NAT16: variants seen among roughly 807,000 people sequenced by gnomAD.
The protein encoded by NAT16 is probable N-acetyltransferase 16.
In NAT16, 16 loss-of-function variants were observed where a neutral mutation model predicts 15.9. The ratio of observed to expected loss-of-function variants is 1.01; its 90% CI spans 0.68 to 1.53. The LOEUF (loss-of-function observed/expected upper bound fraction) is 1.53, where lower values mean the gene tolerates loss of function less well. Ranked by LOEUF, NAT16 falls within the 40% of genes most tolerant of loss-of-function variation. The pLI is 0.00. For synonymous variants in NAT16, 260 were observed against 241.9 expected (o/e 1.07, Z -0.69); for missense variants, 572 against 508.4 (o/e 1.13, Z -1.20).
Position 101,172,710 on chromosome 7 carries a change from C to A in NAT16, c.538-59G>T, listed in dbSNP as rs1329376057. On this transcript the variant is annotated intron_variant, in intron 3 of 3. Transcript: ENST00000300303. This position sits in a 1 kb window ranked among gnomAD's most constrained non-coding sequence, Gnocchi z 4.2. ...GGCGCAGCAGGGCTGGCGAGCCCGG[C>A]GCCTCTCGGCAGGCATCTTCACTCC... The A allele has an allele frequency of 3.7e-6, 5 of 1,334,088 alleles. No homozygotes were observed. In the East Asian group the frequency reaches 1.1e-4, roughly 31 times the overall value. 82.6% of individuals were successfully genotyped at this position (1,334,088 alleles called of 1,614,324 possible).
rs1216454068 is a variant in NAT16, at chr7:101,172,857, G to A, written c.538-206C>T. Among the ~76,000 whole-genome samples the A allele has an allele frequency of 6.6e-6, 1 of 152,156 alleles. No homozygotes were observed. Among genetic ancestry groups the A allele is most frequent in the Non-Finnish European group, 1.5e-5 (1 of 68,018 alleles). ...GGTACCAGACAGGGACCAGGGGCAC[G>A]GGCTCCCAGTACGTGGATCCCCAAG... On this transcript the variant is annotated intron_variant, in intron 3 of 3. Coordinates refer to ENST00000300303, the MANE Select transcript of NAT16 (RefSeq NM_198571.3). This position sits in a 1 kb window ranked among gnomAD's most constrained non-coding sequence, Gnocchi z 4.2.
chr7:101,172,322 T>G lies in NAT16; in HGVS notation c.867A>C (p.Gly289=). ...TGAGATAGCGCCAAGTGCCGTCCCC[T>G]CCGTGCGGGATGGGGAAGGGGCGCG... ...LCTRPFPIPH[G]GDGTWRYLNI... Residue 289 remains glycine, a synonymous_variant, in exon 4 of 4, where the codon GGA becomes GGC. Coordinates refer to ENST00000300303, the MANE Select transcript of NAT16 (RefSeq NM_198571.3). The surrounding 1 kb of genome is among the most constrained non-coding windows in gnomAD (Gnocchi z 4.2). The G allele has an allele frequency of 6.2e-7, 1 of 1,606,850 alleles. No individual in the cohort carries two copies. The highest frequency in any genetic ancestry group is 8.5e-7 in the Non-Finnish European group (1 of 1,177,604).
Position 101,179,881 on chromosome 7 carries a change from C to G in NAT16, c.-5+161G>C, listed in dbSNP as rs571471955. Among the ~76,000 whole-genome samples the G allele has an allele frequency of 2.6e-5, 4 of 152,148 alleles. No homozygotes were observed. The South Asian group carries it at 8.3e-4, about 32-fold the overall frequency. ...CGCTTCTGGACACCTGAAGCGCAGC[C>G]TCTGACTCAGTTTTCTGGGTCTTCG... On this transcript the variant is annotated intron_variant, in intron 1 of 3. Coordinates refer to ENST00000300303, the MANE Select transcript of NAT16 (RefSeq NM_198571.3).
chr7:101,173,702 C>A, intron 2 of NAT16, 182 bp from the exon 3 acceptor site: 1 of 552,090 alleles, frequency 1.8e-6, no homozygotes, highest in Non-Finnish European at 3.1e-6. Context: ...AACAGTCATT[C>A]GCCGGGGCTT....
chr7:101,176,574 C>T (rs905101260), intron 1 of NAT16, among the ~76,000 whole-genome samples: 1 of 150,190 alleles, frequency 6.7e-6, no homozygotes, highest in African/African-American at 2.5e-5. Context: ...CCCGCCCCCG[C>T]CCCTTTCCTT....
chr7:101,179,836 A>C (rs1797553573), intron 1 of NAT16, among the ~76,000 whole-genome samples: 1 of 141,850 alleles, frequency 7.0e-6, no homozygotes, highest in African/African-American at 2.6e-5. Context: ...GCGACATGGC[A>C]ACAGAGGGGG....
At chr7:101,177,721 C>T (rs1012123780) in intron 1 of NAT16, among the ~76,000 whole-genome samples, 2 of 152,126 alleles carry the variant, frequency 1.3e-5, no homozygotes, top group African/African-American at 4.8e-5. Flanking sequence ...CTACTGGGTC[C>T]TTGAACAGGA....
intron 1 of NAT16, among the ~76,000 whole-genome samples, chr7:101,175,637 G>T (rs981652785): frequency 7.9e-6 from 1 of 126,512 alleles, no homozygotes; most frequent in Admixed American, 7.5e-5. Flanking sequence ...AAAAAAAAAA[G>T]AAGAAGAAGG....
In NAT16 at chr7:101,171,076, C is replaced by T. The variant is rs1482572748; in HGVS notation, c.*1003G>A. 6.6e-6 allele frequency: 1 copy of T among 152,208 alleles called. No homozygotes were observed. Among genetic ancestry groups the T allele is most frequent in the Non-Finnish European group, 1.5e-5 (1 of 68,072 alleles). 9.4% of individuals were successfully genotyped at this position (152,208 alleles called of 1,614,324 possible). ...TACCAGGAGGTGGGAATTCCAGTTGCACTAGAAGGCGGCCTGGTTGGAACC... is the reference window on the plus strand; with the variant it reads ...TACCAGGAGGTGGGAATTCCAGTTGTACTAGAAGGCGGCCTGGTTGGAACC... On this transcript the variant is annotated 3_prime_UTR_variant, in exon 4 of 4. Coordinates refer to ENST00000300303, the MANE Select transcript of NAT16 (RefSeq NM_198571.3).
At position 101,172,538 on chromosome 7, in the gene NAT16, G is replaced by A. The variant is rs777607438; in HGVS notation, c.651C>T (p.Ser217=). The A allele has an allele frequency of 7.6e-6, 12 of 1,569,140 alleles. No individual in the cohort carries two copies. In the East Asian group the frequency reaches 2.4e-4, roughly 31 times the overall value. Residue 217 remains serine, a synonymous_variant, in exon 4 of 4, where the codon TCC becomes TCT. Coordinates refer to ENST00000300303, the MANE Select transcript of NAT16 (RefSeq NM_198571.3). This position sits in a 1 kb window ranked among gnomAD's most constrained non-coding sequence, Gnocchi z 4.2. ...TFSPLPTEAV[S]EAGGDVARLL... is the part of the protein sequence containing the mutation. ...GGCGTGCCACGTCGCCGCCTGCCTC[G>A]GACACGGCCTCGGTGGGCAGCGGCG...
chr7:101,173,555 C>G (rs749574509), intron 2 of NAT16, 35 bp from the exon 3 acceptor site: 1 of 1,509,216 alleles, frequency 6.6e-7, no homozygotes, highest in Non-Finnish European at 8.9e-7. Context: ...GGGCCCTCCC[C>G]GCCTGCGCCC....
chr7:101,172,909 C>T lies in NAT16; in HGVS notation c.538-258G>A, dbSNP rs1797367990. ...AGAGGTGGGATCAGTATGGAGTAGCCAGGGAACTGAGGGTACGGGTCCCCG... is the reference window on the plus strand; with the variant it reads ...AGAGGTGGGATCAGTATGGAGTAGCTAGGGAACTGAGGGTACGGGTCCCCG... On this transcript the variant is annotated intron_variant, in intron 3 of 3. Transcript: ENST00000300303. This position sits in a 1 kb window ranked among gnomAD's most constrained non-coding sequence, Gnocchi z 4.2. 6.6e-6 allele frequency among the ~76,000 whole-genome samples: 1 copy of T among 152,076 alleles called. No individual in the cohort carries two copies. Among genetic ancestry groups the T allele is most frequent in the Non-Finnish European group, 1.5e-5 (1 of 68,004 alleles).
intron 3 of NAT16, 63 bp downstream of exon 3, chr7:101,173,218 TTCTGCTGGGGGTGGG>T: frequency 1.5e-6 from 2 of 1,306,352 alleles, no homozygotes; most frequent in Non-Finnish European, 2.2e-6. Context: ...CAAGCCCGTG[TTCTGCTGGGGGTGGG>T]GAGGGTCTCC....
Position 101,172,398 on chromosome 7 carries a change from A to G in NAT16, c.791T>C (p.Leu264Pro). ...CGCGCGGCTGTCCACGCGCCACTCC[A>G]GGCCCTTGGCCGCCAGCAGGCGCAG... ...SNLRLLAAKG[L>P]EWRVDSRARP... The change falls in exon 4 of 4, where the codon CTG becomes CCG. Residue 264 changes from leucine to proline, a missense_variant. Physicochemically the swap from Leu to Pro is moderately conservative, Grantham distance 98. Coordinates refer to ENST00000300303, the MANE Select transcript of NAT16 (RefSeq NM_198571.3). The surrounding 1 kb of genome is among the most constrained non-coding windows in gnomAD (Gnocchi z 4.2). 2 of 1,575,168 alleles carry G rather than the reference A, an allele frequency of 1.3e-6. No individual in the cohort carries two copies. Among genetic ancestry groups the G allele is most frequent in the Non-Finnish European group, 1.7e-6 (2 of 1,163,208 alleles).
At chr7:101,177,322 A>G (rs188719784) in intron 1 of NAT16, among the ~76,000 whole-genome samples, 39 of 152,074 alleles carry the variant, frequency 2.6e-4, no homozygotes, top group East Asian at 1.9e-4. Flanking sequence ...TCTTATTATT[A>G]TTGTTGTTGC....
chr7:101,176,360 T>A (rs541057786), intron 1 of NAT16, among the ~76,000 whole-genome samples: 1 of 152,146 alleles, frequency 6.6e-6, no homozygotes, highest in South Asian at 2.1e-4. Flanking sequence ...CCAAGCATGG[T>A]GGTGGACACC....
At chr7:101,173,776 C>T (rs1018288780) in intron 2 of NAT16, 39 of 513,898 alleles carry the variant, frequency 7.6e-5, no homozygotes, top group Non-Finnish European at 1.3e-4. Context: ...CAGGCTGGAG[C>T]GCAGTGGTGC....
Position 101,172,057 on chromosome 7 carries a change from C to G in NAT16, c.*22G>C, listed in dbSNP as rs778470670. 3.9e-6 allele frequency: 6 copies of G among 1,540,292 alleles called. No homozygotes were observed. The highest frequency in any genetic ancestry group is 1.7e-4 in the Middle Eastern group (1 of 5,888). ...GCGGAAGGGGGCGGGTCTTTTTCCC[C>G]CTCCCCGCCAGAGGAGAGGCCTCAG... is the stretch of plus-strand genomic sequence containing the variant. On this transcript the variant is annotated 3_prime_UTR_variant, in exon 4 of 4. Transcript: ENST00000300303. This position sits in a 1 kb window ranked among gnomAD's most constrained non-coding sequence, Gnocchi z 4.2.
rs778653283 is a variant in NAT16 at position 101,172,680 on chromosome 7, G to A, written c.538-29C>T. On this transcript the variant is annotated intron_variant, in intron 3 of 3. Coordinates refer to ENST00000300303, the MANE Select transcript of NAT16 (RefSeq NM_198571.3). The surrounding 1 kb of genome is among the most constrained non-coding windows in gnomAD (Gnocchi z 4.2). ...CGGGGGGCACGAGTGAGCGCGGGGA[G>A]GGGGGGCGCAGCAGGGCTGGCGAGC... 34 of 1,440,160 alleles carry A rather than the reference G, an allele frequency of 2.4e-5. No homozygotes were observed. In the Admixed American group the frequency reaches 3.9e-4, roughly 16 times the overall value. The allele number at this position is 1,440,160 out of a possible 1,614,324, so 89.2% of individuals were successfully genotyped here.
Sources: gnomAD v4.1 joint callset for allele counts (sites outside exome capture counted in the v4.1 genomes callset) on GRCh38, gnomAD v4.1.1 for gene constraint, Gnocchi (gnomAD v3.1) non-coding constraint, MANE v1.5 for transcripts, NCBI Gene and HGNC (gene_info 2026-07-23, HGNC 2026-07-21) for gene names.